The following COL24A1 variants were observed in gnomAD, a reference collection of about 807,000 sequenced individuals.
COL24A1 encodes the protein collagen alpha-1(XXIV) chain.
COL24A1 carries 224 observed loss-of-function variants against 253.9 expected under a neutral mutation model. That is an observed-to-expected ratio of 0.88 (90% CI 0.79 to 0.99). The LOEUF (loss-of-function observed/expected upper bound fraction) is 0.99, where lower values mean the gene tolerates loss of function less well. Among genes scored for constraint, COL24A1 ranks in the 50% least tolerant of loss-of-function variants. The pLI, the probability that COL24A1 is intolerant of heterozygous loss-of-function variation, is 0.00. For synonymous variants in COL24A1, 685 were observed against 673.7 expected (o/e 1.02, Z -0.26); for missense variants, 2,131 against 2,068.5 (o/e 1.03, Z -0.59).
chr1:86,054,905 C>T (rs1272751015), intron 10 of COL24A1, among the ~76,000 whole-genome samples: 5 of 152,106 alleles, frequency 3.3e-5, no homozygotes, highest in African/African-American at 1.2e-4. Context: ...TGCTCATCAA[C>T]AGTGGACTGC....
At chr1:85,953,643 T>C (rs948284250) in intron 24 of COL24A1, among the ~76,000 whole-genome samples, 4 of 152,196 alleles carry the variant, frequency 2.6e-5, no homozygotes, top group African/African-American at 7.2e-5. Flanking sequence ...TGTTTGGCTA[T>C]AAAAATCACA....
intron 32 of COL24A1, among the ~76,000 whole-genome samples, chr1:85,878,194 C>A (rs112159454): frequency 6.6e-6 from 1 of 152,158 alleles, no homozygotes; most frequent in African/African-American, 2.4e-5. Flanking sequence ...TTATAAACCA[C>A]ACAAATTTAT....
At chr1:86,027,406 C>T (rs1000875252) in intron 14 of COL24A1, among the ~76,000 whole-genome samples, 1 of 152,162 alleles carries the variant, frequency 6.6e-6, no homozygotes, top group African/African-American at 2.4e-5. Context: ...GGGCCTAGAG[C>T]CTTGCTGCTT....
chr1:85,829,953 C>G (rs187379993), intron 43 of COL24A1, among the ~76,000 whole-genome samples: 186 of 152,188 alleles, frequency 1.2e-3, no homozygotes, highest in African/African-American at 4.3e-3. Flanking sequence ...CAGCTTTGTT[C>G]TGTTGCTGGT....
chr1:86,127,710 C>T (rs1245420843), intron 2 of COL24A1, among the ~76,000 whole-genome samples: 2 of 151,938 alleles, frequency 1.3e-5, no homozygotes, highest in African/African-American at 2.4e-5. Flanking sequence ...TAGCCAGGAA[C>T]GTTTGGCATC....
chr1:86,058,107 G>A, intron 9 of COL24A1, 132 bp from the exon 10 acceptor site: 1 of 569,166 alleles, frequency 1.8e-6, no homozygotes, highest in Non-Finnish European at 2.9e-6. Flanking sequence ...TATAACTAAT[G>A]AAGATTACCA....
intron 31 of COL24A1, among the ~76,000 whole-genome samples, chr1:85,892,698 A>C (rs944574124): frequency 2.0e-5 from 3 of 152,104 alleles, no homozygotes; most frequent in Non-Finnish European, 2.9e-5. Flanking sequence ...GATGTAATAC[A>C]TAAAATAATT....
At chr1:85,827,195 T>G (rs544060872) in intron 43 of COL24A1, among the ~76,000 whole-genome samples, 1 of 152,192 alleles carries the variant, frequency 6.6e-6, no homozygotes, top group East Asian at 1.9e-4. Flanking sequence ...ATGTGGTTTT[T>G]GTCTTTGGTT....
chr1:86,143,449 A>G (rs1463860073), intron 2 of COL24A1, among the ~76,000 whole-genome samples: 2 of 152,196 alleles, frequency 1.3e-5, no homozygotes, highest in African/African-American at 4.8e-5. Context: ...TTCACAAGAA[A>G]AAAATATAAA....
chr1:86,061,991 A>G (rs1400036738), intron 8 of COL24A1, among the ~76,000 whole-genome samples: 1 of 152,084 alleles, frequency 6.6e-6, no homozygotes, highest in Non-Finnish European at 1.5e-5. Context: ...CTGTTTTTTC[A>G]TTAGTAAAAT....
intron 28 of COL24A1, among the ~76,000 whole-genome samples, chr1:85,902,143 A>G (rs1451919122): frequency 6.6e-6 from 1 of 152,238 alleles, no homozygotes; most frequent in Non-Finnish European, 1.5e-5. Context: ...AATGAAGGAC[A>G]TACCATCCCA....
intron 3 of COL24A1, among the ~76,000 whole-genome samples, chr1:86,123,174 T>G (rs1054440294): frequency 1.3e-5 from 2 of 151,936 alleles, no homozygotes; most frequent in Non-Finnish European, 2.9e-5. Flanking sequence ...AGGAACTCAA[T>G]AAATGATAGC....
intron 3 of COL24A1, among the ~76,000 whole-genome samples, chr1:86,116,616 T>C (rs1706167041): frequency 6.6e-6 from 1 of 152,130 alleles, no homozygotes; most frequent in Non-Finnish European, 1.5e-5. Flanking sequence ...GAGTAAATTA[T>C]GTTGAAAAAA....
At chr1:85,968,975 T>C (rs1250929843) in intron 22 of COL24A1, among the ~76,000 whole-genome samples, 1 of 152,198 alleles carries the variant, frequency 6.6e-6, no homozygotes, top group Non-Finnish European at 1.5e-5. Flanking sequence ...GAACGATATC[T>C]TGCAAAGTTG....
At chr1:85,920,929 GA>G (rs71078629) in intron 24 of COL24A1, among the ~76,000 whole-genome samples, 32,185 of 144,416 alleles carry the variant, frequency 0.22, 3,754 homozygotes, top group Non-Finnish European at 0.25. Flanking sequence ...GCAAGAGGTA[GA>G]AAAAAAAAAA....
At chr1:85,760,057 T>A (rs1171664483) in intron 55 of COL24A1, among the ~76,000 whole-genome samples, 1 of 13,660 alleles carries the variant, frequency 7.3e-5, no homozygotes, top group East Asian at 1.9e-3. Flanking sequence ...AGAAAGACAT[T>A]GTTTTTTTTT....
At chr1:85,945,017 T>TGTTTGTTTG (rs1387801760) in intron 24 of COL24A1, among the ~76,000 whole-genome samples, 6 of 92,744 alleles carry the variant, frequency 6.5e-5, no homozygotes, top group Admixed American at 1.3e-4. Context: ...TTTTTTTTTT[T>TGTTTGTTTG]TTTTTTTTTT....
intron 43 of COL24A1, among the ~76,000 whole-genome samples, chr1:85,835,416 C>T (rs1675892071): frequency 6.6e-6 from 1 of 152,084 alleles, no homozygotes; most frequent in South Asian, 2.1e-4. Flanking sequence ...AGGTGTGAGC[C>T]ACTGCACCCG....
intron 19 of COL24A1, among the ~76,000 whole-genome samples, chr1:86,003,645 T>C (rs1695649331): frequency 6.6e-6 from 1 of 152,106 alleles, no homozygotes; most frequent in Non-Finnish European, 1.5e-5. Context: ...AAAAAAGTCA[T>C]CCTAAGGGGT....
Sources: gnomAD v4.1 joint callset for allele counts (sites outside exome capture counted in the v4.1 genomes callset) on GRCh38, gnomAD v4.1.1 for gene constraint, MANE v1.5 for transcripts, NCBI Gene and HGNC (gene_info 2026-07-23, HGNC 2026-07-21) for gene names.